LIN52: variants seen among roughly 807,000 people sequenced by gnomAD.
LIN52 encodes protein lin-52 homolog.
In LIN52, 4 loss-of-function variants were observed where a neutral mutation model predicts 18.5. That is an observed-to-expected ratio of 0.22 (90% CI 0.11 to 0.49). LIN52 has a LOEUF of 0.49. Ranked by LOEUF, LIN52 falls within the 20% of genes least tolerant of loss-of-function variation. The probability of loss-of-function intolerance (pLI) is 0.97; values close to 1 mark genes in which losing one functional copy is unlikely to be tolerated. For synonymous variants in LIN52, 34 were observed against 45.5 expected, an observed-to-expected ratio of 0.75 and a Z score of 1.02; for missense variants, 102 against 139.5, an observed-to-expected ratio of 0.73 and a Z score of 1.35.
At chr14:74,142,855 G>C (rs950718381) in intron 5 of LIN52, among the ~76,000 whole-genome samples, 3 of 144,916 alleles carry the variant, frequency 2.1e-5, no homozygotes, top group Admixed American at 1.3e-4. Flanking sequence ...GTTATGTTAG[G>C]CTTGTGGGCC....
At chr14:74,143,027 T>C (rs909872100) in intron 5 of LIN52, among the ~76,000 whole-genome samples, 2 of 151,398 alleles carry the variant, frequency 1.3e-5, no homozygotes, top group East Asian at 2.0e-4. Flanking sequence ...TCAGATAAAG[T>C]TTCTTACTAT....
At chr14:74,107,471 A>G (rs2060903842) in intron 5 of LIN52, among the ~76,000 whole-genome samples, 1 of 152,070 alleles carries the variant, frequency 6.6e-6, no homozygotes, top group South Asian at 2.1e-4. Context: ...TCCTTCTATC[A>G]GCTTTCCCTT....
At chr14:74,193,158 ATTAAG>A (rs747401048) in intron 5 of LIN52, among the ~76,000 whole-genome samples, 36 of 151,842 alleles carry the variant, frequency 2.4e-4, no homozygotes, top group Non-Finnish European at 4.1e-4. Context: ...TTTATACTTC[ATTAAG>A]TTATTTTGCC....
At chr14:74,086,879 T>G (rs973551038) in intron 1 of LIN52, among the ~76,000 whole-genome samples, 1 of 152,152 alleles carries the variant, frequency 6.6e-6, no homozygotes, top group Non-Finnish European at 1.5e-5. Flanking sequence ...ATTAATGTAC[T>G]TAATACCACT....
chr14:74,191,888 G>A (rs2078879298), intron 5 of LIN52, among the ~76,000 whole-genome samples: 2 of 152,100 alleles, frequency 1.3e-5, no homozygotes, highest in South Asian at 2.1e-4. Context: ...GCCCACCTCG[G>A]CCTTCCAAAG....
At chr14:74,130,295 T>TTTTTTTTTTTC (rs1315000657) in intron 5 of LIN52, among the ~76,000 whole-genome samples, 1 of 140,278 alleles carries the variant, frequency 7.1e-6, no homozygotes, top group Admixed American at 7.3e-5. Flanking sequence ...TTTTTTTTTT[T>TTTTTTTTTTTC]TGAGACAGTC....
At chr14:74,139,662 C>A (rs1009198912) in intron 5 of LIN52, among the ~76,000 whole-genome samples, 1 of 152,098 alleles carries the variant, frequency 6.6e-6, no homozygotes, top group African/African-American at 2.4e-5. Context: ...CTGAGCAGAA[C>A]CTGCTATAGA....
chr14:74,085,260 G>A, intron 1 of LIN52: 1 of 364,514 alleles, frequency 2.7e-6, no homozygotes, highest in Middle Eastern at 7.0e-4. Flanking sequence ...CAGGGGGGTC[G>A]CCCTGTGCCT....
intron 5 of LIN52, among the ~76,000 whole-genome samples, chr14:74,170,803 A>G: frequency 6.6e-6 from 1 of 151,960 alleles, no homozygotes; most frequent in East Asian, 1.9e-4. Flanking sequence ...ATTGTGGGAC[A>G]ATATCAAGCA....
intron 5 of LIN52, among the ~76,000 whole-genome samples, chr14:74,164,290 T>TC (rs1458311871): frequency 6.8e-6 from 1 of 148,070 alleles, no homozygotes; most frequent in Non-Finnish European, 1.5e-5. Flanking sequence ...CGTTTTTGTT[T>TC]TTTTTTGCTT....
At chr14:74,105,497 AT>A in intron 5 of LIN52, among the ~76,000 whole-genome samples, 1 of 152,310 alleles carries the variant, frequency 6.6e-6, no homozygotes, top group East Asian at 1.9e-4. Context: ...ATGAGAAACA[AT>A]TACATTGATG....
chr14:74,094,382 C>G (rs1373214200), intron 2 of LIN52, among the ~76,000 whole-genome samples: 1 of 152,026 alleles, frequency 6.6e-6, no homozygotes, highest in African/African-American at 2.4e-5. Context: ...ACTTCAGCCT[C>G]CTGAGTAGCT....
At chr14:74,098,864 AAG>A (rs1293319280) in intron 4 of LIN52, among the ~76,000 whole-genome samples, 1 of 152,100 alleles carries the variant, frequency 6.6e-6, no homozygotes, top group African/African-American at 2.4e-5. Flanking sequence ...CTGCTTTTTT[AAG>A]TCTAGCCTCT....
chr14:74,093,538 C>T (rs950820572), intron 2 of LIN52, among the ~76,000 whole-genome samples: 1 of 151,136 alleles, frequency 6.6e-6, no homozygotes, highest in African/African-American at 2.4e-5. Flanking sequence ...GTTGGACAGG[C>T]TGGTCTTGAA....
intron 5 of LIN52, chr14:74,174,625 C>G (rs1372424981): frequency 1.3e-5 from 2 of 151,924 alleles, no homozygotes; most frequent in Non-Finnish European, 2.9e-5. Flanking sequence ...TACCAGTTTG[C>G]CTAAGGAAGG....
chr14:74,191,672 C>T (rs1180509878), intron 5 of LIN52, among the ~76,000 whole-genome samples: 3 of 146,310 alleles, frequency 2.1e-5, no homozygotes, highest in East Asian at 2.0e-4. Context: ...CTTGCTCTGT[C>T]GTCCAGGCCG....
chr14:74,166,897 G>T (rs2061251958), intron 5 of LIN52, among the ~76,000 whole-genome samples: 1 of 152,140 alleles, frequency 6.6e-6, no homozygotes, highest in African/African-American at 2.4e-5. Flanking sequence ...ACATTGAATT[G>T]TACATTTAGC....
intron 5 of LIN52, among the ~76,000 whole-genome samples, chr14:74,143,899 C>T (rs76468658): frequency 0.016 from 2,402 of 152,152 alleles, 62 homozygotes; most frequent in African/African-American, 0.054. Context: ...TAATTTTGTG[C>T]CTGTTGACCA....
At chr14:74,195,982 G>T (rs893099006) in intron 5 of LIN52, among the ~76,000 whole-genome samples, 3 of 152,192 alleles carry the variant, frequency 2.0e-5, no homozygotes, top group African/African-American at 7.2e-5. Flanking sequence ...AGGGGTTGGT[G>T]CTTAGCATCT....
Sources: allele counts gnomAD v4.1 joint callset (sites outside exome capture counted in the v4.1 genomes callset), GRCh38; gene constraint gnomAD v4.1.1; transcripts MANE v1.5; gene names NCBI Gene and HGNC (gene_info 2026-07-23, HGNC 2026-07-21).